The following PDPN variants were observed in gnomAD, a reference collection of about 807,000 sequenced individuals.
The protein encoded by PDPN is PA2.26 antigen.
A neutral mutation model predicts 23.2 loss-of-function variants in PDPN; 12 were observed. The observed-to-expected ratio is 0.52, with a 90% CI of 0.33 to 0.84. PDPN has a LOEUF of 0.84. PDPN is among the 40% of genes least tolerant of loss of function. The probability of loss-of-function intolerance (pLI) is 0.02; values close to 1 mark genes in which losing one functional copy is unlikely to be tolerated. For synonymous variants in PDPN, 77 were observed against 76.7 expected (o/e 1.00, Z -0.02); for missense variants, 199 against 212.2 (o/e 0.94, Z 0.39).
At chr1:13,603,460 A>G (rs963496558) in intron 1 of PDPN, among the ~76,000 whole-genome samples, 1 of 152,222 alleles carries the variant, frequency 6.6e-6, no homozygotes, top group African/African-American at 2.4e-5. Context: ...CAAAGATAAA[A>G]GTTATTCATA....
chr1:13,615,082 C>T (rs1340861287), intron 5 of PDPN, among the ~76,000 whole-genome samples: 1 of 152,122 alleles, frequency 6.6e-6, no homozygotes, highest in Non-Finnish European at 1.5e-5. Context: ...AGTCGGCAGC[C>T]CATTCGGATT....
chr1:13,585,492 G>A (rs1309161867), intron 1 of PDPN: 1 of 1,343,954 alleles, frequency 7.4e-7, no homozygotes, highest in Non-Finnish European at 9.8e-7. Context: ...AAATGACACC[G>A]TTTTGTGCTC....
At chr1:13,588,747 C>T (rs1347498292) in intron 1 of PDPN, among the ~76,000 whole-genome samples, 1 of 150,708 alleles carries the variant, frequency 6.6e-6, no homozygotes, top group African/African-American at 2.4e-5. Flanking sequence ...AGCACTATCT[C>T]GTCTCACTGT....
Position 13,617,917 on chromosome 1 carries a change from G to GT in PDPN, c.*2007dup, listed in dbSNP as rs1415051665. The GT allele has an allele frequency of 6.6e-6, 1 of 152,164 alleles. No individual in the cohort carries two copies. The highest frequency in any genetic ancestry group is 2.4e-5 in the African/African-American group (1 of 41,428). 9.4% of individuals were successfully genotyped at this position (152,164 alleles called of 1,614,324 possible). A position where few individuals can be genotyped will look rare whatever the true frequency, so the allele number is the denominator to read the frequency against. ...CACACCTGTGTTGGTGCTCAATGCAGTGTAGACATGTTTTCAAATAAAACA... is the reference window on the plus strand; with the variant it reads ...CACACCTGTGTTGGTGCTCAATGCAGTTGTAGACATGTTTTCAAATAAAACA... On this transcript the variant is annotated 3_prime_UTR_variant, in exon 6 of 6. Coordinates refer to ENST00000621990, the MANE Select transcript of PDPN (RefSeq NM_006474.5).
chr1:13,603,315 G>A (rs1038885041), intron 1 of PDPN, among the ~76,000 whole-genome samples: 4 of 152,014 alleles, frequency 2.6e-5, no homozygotes, highest in Non-Finnish European at 4.4e-5. Context: ...CCCAGGAGGC[G>A]GAGGTTGTAG....
At chr1:13,614,085 T>C (rs965497856) in intron 4 of PDPN, among the ~76,000 whole-genome samples, 1 of 152,156 alleles carries the variant, frequency 6.6e-6, no homozygotes, top group Non-Finnish European at 1.5e-5. Context: ...AATGTTACGT[T>C]GATAGATCCT....
rs1223147958 is a variant in PDPN, at chr1:13,617,463, G to A, written c.*1552G>A. 1 of 152,032 alleles carries A rather than the reference G, an allele frequency of 6.6e-6. No individual in the cohort carries two copies. The highest frequency in any genetic ancestry group is 1.9e-4 in the East Asian group (1 of 5,174). The allele number at this position is 152,032 out of a possible 1,614,324, so 9.4% of individuals were successfully genotyped here. A position where few individuals can be genotyped will look rare whatever the true frequency, so the allele number is the denominator to read the frequency against. On this transcript the variant is annotated 3_prime_UTR_variant, in exon 6 of 6. Coordinates refer to ENST00000621990, the MANE Select transcript of PDPN (RefSeq NM_006474.5). The stretch of plus-strand genomic sequence containing the variant: ...CTCCCGGCAATTATACATGTGTCAG[G>A]ATGTCAAAAAGCAATTCTCCTGCCT...
intron 1 of PDPN, among the ~76,000 whole-genome samples, chr1:13,589,471 TATA>T (rs1034949575): frequency 6.6e-6 from 1 of 152,170 alleles, no homozygotes; most frequent in Admixed American, 6.5e-5. Flanking sequence ...GCGCTAACAA[TATA>T]ATAACAGCTA....
intron 1 of PDPN, among the ~76,000 whole-genome samples, chr1:13,587,727 T>A (rs1640216609): frequency 6.6e-6 from 1 of 152,210 alleles, no homozygotes; most frequent in Non-Finnish European, 1.5e-5. Context: ...GGGCAAGAGA[T>A]ACAGCTCCGT....
At chr1:13,591,671 T>C (rs1326120644) in intron 1 of PDPN, among the ~76,000 whole-genome samples, 3 of 152,212 alleles carry the variant, frequency 2.0e-5, no homozygotes, top group Admixed American at 6.5e-5. Flanking sequence ...ATCCATGTTA[T>C]AGCATGCACC....
intron 1 of PDPN, among the ~76,000 whole-genome samples, chr1:13,593,026 A>C (rs1466121492): frequency 6.6e-6 from 1 of 152,168 alleles, no homozygotes; most frequent in Non-Finnish European, 1.5e-5. Flanking sequence ...GTATGAGTCT[A>C]CTTTGTTTTT....
chr1:13,605,049 A>G (rs1254406275), intron 1 of PDPN, among the ~76,000 whole-genome samples: 1 of 152,258 alleles, frequency 6.6e-6, no homozygotes, highest in Non-Finnish European at 1.5e-5. Context: ...GGACTCTAGA[A>G]TAAAAGAGCA....
At chr1:13,585,379 G>A (rs888793987) in intron 1 of PDPN, 17 of 680,416 alleles carry the variant, frequency 2.5e-5, no homozygotes, top group Non-Finnish European at 3.4e-5. Context: ...TATAGGGGCC[G>A]TGGGTTATTC....
intron 1 of PDPN, among the ~76,000 whole-genome samples, chr1:13,593,346 T>A (rs1486601388): frequency 1.3e-5 from 2 of 152,112 alleles, no homozygotes; most frequent in Non-Finnish European, 2.9e-5. Context: ...ATCTGATGAG[T>A]ACCTGGGAAG....
intron 1 of PDPN, among the ~76,000 whole-genome samples, chr1:13,588,152 CA>C (rs1570008311): frequency 1.3e-5 from 2 of 151,992 alleles, no homozygotes; most frequent in East Asian, 3.9e-4. Context: ...CACACACACA[CA>C]CCCCTGGAGA....
At chr1:13,610,544 G>T in intron 3 of PDPN, 28 bp downstream of exon 3, 5 of 1,605,870 alleles carry the variant, frequency 3.1e-6, no homozygotes, top group Non-Finnish European at 4.3e-6. Flanking sequence ...CTCCATGGGG[G>T]CTGATCTACT....
chr1:13,602,761 G>T (rs2100252172), intron 1 of PDPN, among the ~76,000 whole-genome samples: 1 of 152,106 alleles, frequency 6.6e-6, no homozygotes, highest in Middle Eastern at 3.4e-3. Context: ...TAGAGACGGG[G>T]TCTCACCATG....
intron 2 of PDPN, among the ~76,000 whole-genome samples, chr1:13,609,622 C>A (rs957792683): frequency 5.3e-5 from 8 of 152,150 alleles, no homozygotes; most frequent in Non-Finnish European, 1.2e-4. Context: ...AGCCACTGTT[C>A]TACTTTCTAT....
At chr1:13,611,564 G>A (rs1640936591) in intron 3 of PDPN, among the ~76,000 whole-genome samples, 1 of 152,136 alleles carries the variant, frequency 6.6e-6, no homozygotes, top group African/African-American at 2.4e-5. Context: ...GGTTTGCCAG[G>A]GGCTGGGGGA....
Sources: allele counts gnomAD v4.1 joint callset (sites outside exome capture counted in the v4.1 genomes callset), GRCh38; gene constraint gnomAD v4.1.1; transcripts MANE v1.5; gene names NCBI Gene and HGNC (gene_info 2026-07-23, HGNC 2026-07-21).